Variants in OXR1 observed in about 807,000 individuals in gnomAD.
OXR1 encodes the protein oxidation resistance 1, also known as oxidation resistance protein 1.
In OXR1, 41 loss-of-function variants were observed where a neutral mutation model predicts 104.6. That is an observed-to-expected ratio of 0.39 (90% confidence interval 0.31 to 0.51). The LOEUF (loss-of-function observed/expected upper bound fraction) is 0.51, where lower values mean the gene tolerates loss of function less well. OXR1 is among the 20% of genes least tolerant of loss of function. The pLI is 0.77. For missense variants in OXR1, 955 were observed against 1,031.9 expected (o/e 0.93, Z 1.02); for synonymous variants, 348 against 348.4 (o/e 1.00, Z 0.01).
At chr8:106,295,577 G>C (rs1503555) in intron 1 of OXR1, among the ~76,000 whole-genome samples, 1 of 151,660 alleles carries the variant, frequency 6.6e-6, no homozygotes, top group African/African-American at 2.4e-5. Context: ...ATTTGCTTTA[G>C]TATCAGCTGG....
chr8:106,391,469 C>A (rs1444566338), intron 2 of OXR1, among the ~76,000 whole-genome samples: 1 of 152,010 alleles, frequency 6.6e-6, no homozygotes, highest in African/African-American at 2.4e-5. Flanking sequence ...TGACTTGAGT[C>A]ATGAGGGAAA....
intron 3 of OXR1, among the ~76,000 whole-genome samples, chr8:106,529,209 AT>A (rs1376235928): frequency 6.6e-6 from 1 of 152,144 alleles, no homozygotes; most frequent in Non-Finnish European, 1.5e-5. Flanking sequence ...TTTTTGGTTC[AT>A]TTGTGGATTA....
intron 3 of OXR1, among the ~76,000 whole-genome samples, chr8:106,674,336 C>T (rs903956478): frequency 1.3e-5 from 2 of 152,306 alleles, no homozygotes; most frequent in African/African-American, 2.4e-5. Context: ...TTTGGACTTG[C>T]GTGGGACCTG....
In OXR1 at chr8:106,519,078, T is replaced by G. The variant is rs1449782478; in HGVS notation, c.159T>G (p.Asn53Lys). Residue 53 changes from asparagine to lysine, a missense_variant, in exon 3 of 17, where the codon AAT (asparagine) becomes AAG (lysine). Coordinates refer to ENST00000517566, the MANE Select transcript of OXR1 (RefSeq NM_001198533.2). ...KTPIIEEEQN[N>K]AANTQKHPSR... ...CCATCATTGAAGAAGAGCAGAACAA[T>G]GCAGCAAATACTCAGAAACATCCTT... The G allele has an allele frequency of 1.9e-6, 3 of 1,552,118 alleles. No individual in the cohort carries two copies. In the East Asian group the frequency reaches 7.3e-5, roughly 38 times the overall value.
intron 2 of OXR1, among the ~76,000 whole-genome samples, chr8:106,388,094 TA>T (rs1284181960): frequency 1.3e-5 from 2 of 152,090 alleles, no homozygotes; most frequent in Admixed American, 1.3e-4. Flanking sequence ...TTCCAGGCCA[TA>T]ACAAATTAGA....
chr8:106,739,623 G>T (rs1277975619), intron 13 of OXR1, 40 bp downstream of exon 13: 1 of 1,599,330 alleles, frequency 6.3e-7, no homozygotes, highest in Non-Finnish European at 8.5e-7. Context: ...GAGTGTGAGT[G>T]TGTACCCATG....
At chr8:106,481,973 T>C (rs1551267) in intron 2 of OXR1, among the ~76,000 whole-genome samples, 16,412 of 151,960 alleles carry the variant, frequency 0.11, 973 homozygotes, top group African/African-American at 0.15. Context: ...TATCAGAAAA[T>C]TGGGGATAGG....
intron 3 of OXR1, among the ~76,000 whole-genome samples, chr8:106,521,898 C>T (rs1813289359): frequency 6.6e-6 from 1 of 152,110 alleles, no homozygotes; most frequent in South Asian, 2.1e-4. Flanking sequence ...GCCTTGCCAA[C>T]GAACGAACCC....
intron 2 of OXR1, among the ~76,000 whole-genome samples, chr8:106,415,909 T>C (rs1818658503): frequency 1.3e-5 from 2 of 152,304 alleles, no homozygotes; most frequent in South Asian, 4.1e-4. Context: ...AAATATTTAT[T>C]CCATGGAGTT....
At chr8:106,649,855 C>T (rs556340314) in intron 3 of OXR1, among the ~76,000 whole-genome samples, 26 of 152,160 alleles carry the variant, frequency 1.7e-4, no homozygotes, top group African/African-American at 6.0e-4. Context: ...CACCGCCACG[C>T]CCAGCTAATT....
intron 6 of OXR1, among the ~76,000 whole-genome samples, chr8:106,692,060 T>A (rs1817903806): frequency 6.6e-6 from 1 of 151,842 alleles, no homozygotes; most frequent in Non-Finnish European, 1.5e-5. Context: ...TTAAAAAATG[T>A]TTTAATACCA....
intron 2 of OXR1, among the ~76,000 whole-genome samples, chr8:106,415,819 T>A (rs1818654675): frequency 6.6e-6 from 1 of 152,162 alleles, no homozygotes; most frequent in Admixed American, 6.6e-5. Context: ...CTTTTTCCTT[T>A]TAACTAGATT....
rs71562109 is a variant in OXR1, at chr8:106,589,340, C to CTTTT, written c.220+70214_220+70217dup. ...TGAGACAGAGTTCTGGCCCTGGAGCCTTTTTTTTTTTTTTTTCCACAGCAG... is the reference window on the plus strand; with the variant it reads ...TGAGACAGAGTTCTGGCCCTGGAGCCTTTTTTTTTTTTTTTTTTTTCCACAGCAG... On this transcript the variant is annotated intron_variant, in intron 3 of 16. Coordinates refer to ENST00000517566, the MANE Select transcript of OXR1 (RefSeq NM_001198533.2). Among the ~76,000 whole-genome samples the CTTTT allele has an allele frequency of 4.4e-4, 60 of 137,072 alleles. 1 individual carries two copies. Among genetic ancestry groups the CTTTT allele is most frequent in the African/African-American group, 6.7e-4 (25 of 37,148 alleles). 89.9% of individuals were successfully genotyped at this position (137,072 alleles called of 152,430 possible). A position where few individuals can be genotyped will look rare whatever the true frequency, so the allele number is the denominator to read the frequency against.
chr8:106,747,110 G>A (rs1429212718), intron 16 of OXR1, among the ~76,000 whole-genome samples: 2 of 152,114 alleles, frequency 1.3e-5, no homozygotes, highest in Non-Finnish European at 2.9e-5. Flanking sequence ...CAAGGGAAAA[G>A]CACCCCAAAA....
At position 106,344,461 on chromosome 8, in the gene OXR1, C is replaced by T. The variant is rs371883552; in HGVS notation, c.-138-15015C>T. Among the ~76,000 whole-genome samples, 6 of 152,290 alleles carry T rather than the reference C, an allele frequency of 3.9e-5. No homozygotes were observed. The East Asian group carries it at 9.7e-4, about 25-fold the overall frequency. ...CAAGCGATTCTCCTGTCTCAGCCTC[C>T]TAAGTAGCTGGGACTACAGGCGCGT... is the stretch of plus-strand genomic sequence containing the variant. On this transcript the variant is annotated intron_variant, in intron 1 of 16. Coordinates refer to ENST00000517566, the MANE Select transcript of OXR1 (RefSeq NM_001198533.2).
chr8:106,691,007 G>A (rs62517940), intron 6 of OXR1, among the ~76,000 whole-genome samples: 3,452 of 151,988 alleles, frequency 0.023, 42 homozygotes, highest in East Asian at 0.039. Flanking sequence ...TGGACAGTTT[G>A]GAGTTGCTAA....
chr8:106,340,705 T>TGGCACTTAGA (rs1296099083), intron 1 of OXR1, among the ~76,000 whole-genome samples: 3 of 152,194 alleles, frequency 2.0e-5, no homozygotes, highest in African/African-American at 7.2e-5. Context: ...GCTATATTCA[T>TGGCACTTAGA]GGCACTTAGA....
At chr8:106,570,553 C>A (rs916482328) in intron 3 of OXR1, among the ~76,000 whole-genome samples, 1 of 152,096 alleles carries the variant, frequency 6.6e-6, no homozygotes, top group Non-Finnish European at 1.5e-5. Flanking sequence ...GCACATGTGC[C>A]TGAAGTACAG....
At chr8:106,488,408 G>T (rs958320155) in intron 2 of OXR1, among the ~76,000 whole-genome samples, 1 of 147,514 alleles carries the variant, frequency 6.8e-6, no homozygotes, top group South Asian at 2.2e-4. Flanking sequence ...CTTTTGCTGT[G>T]CAGAAGCTTT....
Sources: gnomAD v4.1 joint callset for allele counts (sites outside exome capture counted in the v4.1 genomes callset) on GRCh38, gnomAD v4.1.1 for gene constraint, MANE v1.5 for transcripts, NCBI Gene and HGNC (gene_info 2026-07-23, HGNC 2026-07-21) for gene names.